Variants in GPSM2 observed in about 807,000 individuals in gnomAD.
GPSM2 encodes G protein-signaling modulator 2.
Under a neutral mutation model 78.4 loss-of-function variants are expected in GPSM2, and 58 were observed. The observed-to-expected ratio is 0.74, with a 90% CI of 0.60 to 0.92. The LOEUF (loss-of-function observed/expected upper bound fraction) is 0.92, where lower values mean the gene tolerates loss of function less well. GPSM2 is among the 40% of genes least tolerant of loss of function. The pLI, the probability that GPSM2 is intolerant of heterozygous loss-of-function variation, is 0.00. For synonymous variants in GPSM2, 224 were observed against 280.2 expected (o/e 0.80, Z 2.00); for missense variants, 700 against 815.5 (o/e 0.86, Z 1.73).
At chr1:108,915,552 G>A (rs80186098) in intron 11 of GPSM2, among the ~76,000 whole-genome samples, 20,599 of 150,322 alleles carry the variant, frequency 0.14, 1,546 homozygotes, top group African/African-American at 0.19. Flanking sequence ...TCAGCCTCCC[G>A]GGTAGCTGGG....
chr1:108,899,036 C>A, intron 7 of GPSM2, 42 bp downstream of exon 7: 3 of 1,146,350 alleles, frequency 2.6e-6, no homozygotes, highest in South Asian at 2.5e-5. Context: ...AATGAATACT[C>A]AGTCCCATTA....
At chr1:108,896,755 C>T (rs1376515408) in intron 2 of GPSM2, 109 bp from the exon 3 acceptor site, 4 of 844,156 alleles carry the variant, frequency 4.7e-6, no homozygotes, top group Non-Finnish European at 8.3e-6. Context: ...GTTATAGAGG[C>T]AGCTGCCCTG....
At chr1:108,920,520 A>C (rs1043791348) in intron 12 of GPSM2, among the ~76,000 whole-genome samples, 4 of 150,208 alleles carry the variant, frequency 2.7e-5, no homozygotes, top group African/African-American at 9.9e-5. Context: ...GAGCCTTTGC[A>C]AAAAAAAAGC....
At chr1:108,924,436 T>C in intron 14 of GPSM2, 3 of 500,912 alleles carry the variant, frequency 6.0e-6, no homozygotes, top group Non-Finnish European at 1.1e-5. Context: ...AGGAGAGACG[T>C]GTGTGTGTGT....
At chr1:108,919,635 G>A (rs1570947397) in intron 12 of GPSM2, among the ~76,000 whole-genome samples, 1 of 152,092 alleles carries the variant, frequency 6.6e-6, no homozygotes, top group East Asian at 1.9e-4. Context: ...AGCCTAGGAG[G>A]TGGAGGTTGC....
Position 108,885,427 on chromosome 1 carries a change from A to C in GPSM2, c.-96A>C, listed in dbSNP as rs1007850944. On this transcript the variant is annotated 5_prime_UTR_variant, in exon 2 of 15. Transcript: ENST00000264126. ...ATTAACACCAACTCATTAATATACT[A>C]ACCGGACAATGTTCTACAAACAATT... 6.8e-6 allele frequency: 5 copies of C among 737,210 alleles called. No individual in the cohort carries two copies. Among genetic ancestry groups the C allele is most frequent in the Non-Finnish European group, 1.2e-5 (5 of 417,516 alleles). The allele number at this position is 737,210 out of a possible 1,614,324, so 45.7% of individuals were successfully genotyped here. A position where few individuals can be genotyped will look rare whatever the true frequency, so the allele number is the denominator to read the frequency against.
intron 2 of GPSM2, among the ~76,000 whole-genome samples, chr1:108,889,027 C>T (rs1647772284): frequency 6.6e-6 from 1 of 152,174 alleles, no homozygotes; most frequent in Non-Finnish European, 1.5e-5. Context: ...TTGCTGGTTT[C>T]ATCTCCTAAA....
intron 2 of GPSM2, among the ~76,000 whole-genome samples, chr1:108,889,078 G>A (rs190850200): frequency 3.5e-4 from 54 of 152,246 alleles, no homozygotes; most frequent in African/African-American, 1.3e-3. Flanking sequence ...CCTCCCAGTT[G>A]TTTGAAAGGC....
chr1:108,921,533 G>A (rs1296137555), intron 12 of GPSM2, among the ~76,000 whole-genome samples: 2 of 152,096 alleles, frequency 1.3e-5, no homozygotes, highest in Non-Finnish European at 2.9e-5. Flanking sequence ...AAACAAAACT[G>A]CTTAAAATTG....
intron 7 of GPSM2, among the ~76,000 whole-genome samples, chr1:108,901,226 G>T (rs867797478): frequency 6.6e-6 from 1 of 152,170 alleles, no homozygotes; most frequent in African/African-American, 2.4e-5. Context: ...TAACTGCTAC[G>T]CTAGCTTCTC....
chr1:108,925,824 GT>G (rs371937560), intron 14 of GPSM2, among the ~76,000 whole-genome samples: 2,657 of 146,898 alleles, frequency 0.018, 21 homozygotes, highest in African/African-American at 0.032. Context: ...CAAATGTGGG[GT>G]TTTTTTTTTT....
chr1:108,928,028 A>G (rs1464619962), intron 14 of GPSM2, among the ~76,000 whole-genome samples: 2 of 152,232 alleles, frequency 1.3e-5, no homozygotes, highest in African/African-American at 4.8e-5. Flanking sequence ...TTATAAAACC[A>G]AAAGAGTGAG....
chr1:108,892,125 A>T (rs1243938294), intron 2 of GPSM2, among the ~76,000 whole-genome samples: 1 of 152,182 alleles, frequency 6.6e-6, no homozygotes, highest in Non-Finnish European at 1.5e-5. Context: ...CAACCACAGA[A>T]ATGGAAAGCA....
intron 2 of GPSM2, among the ~76,000 whole-genome samples, chr1:108,893,356 G>A (rs1648112155): frequency 6.6e-6 from 1 of 152,222 alleles, no homozygotes; most frequent in Admixed American, 6.5e-5. Flanking sequence ...GTGCTGTCAT[G>A]TGTGACCATT....
intron 10 of GPSM2, among the ~76,000 whole-genome samples, chr1:108,908,842 A>G (rs897566128): frequency 6.6e-6 from 1 of 151,268 alleles, no homozygotes; most frequent in African/African-American, 2.4e-5. Context: ...CATCTCTCCA[A>G]AAAATTTTTT....
intron 2 of GPSM2, among the ~76,000 whole-genome samples, chr1:108,895,440 C>T (rs868723477): frequency 1.1e-4 from 16 of 152,216 alleles, no homozygotes; most frequent in Admixed American, 2.6e-4. Context: ...GGGTTCCCAA[C>T]CCCTGGGCCA....
rs1258789169 is a variant in GPSM2 at position 108,897,550 on chromosome 1, A to C, written c.337A>C (p.Lys113Gln). 1 of 1,613,706 alleles carries C rather than the reference A, an allele frequency of 6.2e-7. No homozygotes were observed. Among genetic ancestry groups the C allele is most frequent in the Non-Finnish European group, 8.5e-7 (1 of 1,179,736 alleles). The change falls in exon 4 of 15, where the codon AAA becomes CAA. Residue 113 changes from lysine (K) to glutamine (Q), a missense_variant. Lys to Gln is a moderately conservative substitution (Grantham distance 53). Transcript: ENST00000264126. ...TAGTGGTAATCTGGGAAACACCTTA[A>C]AAGTTCTTGGGAATTTTGACGAAGC... ...KASGNLGNTL[K>Q]VLGNFDEAIV... is the part of the protein sequence containing the mutation.
At chr1:108,908,981 T>C (rs968065300) in intron 10 of GPSM2, among the ~76,000 whole-genome samples, 1 of 148,218 alleles carries the variant, frequency 6.7e-6, no homozygotes, top group Non-Finnish European at 1.5e-5. Flanking sequence ...CTCCAAAAAA[T>C]TTTTTTAATT....
At chr1:108,893,676 T>C (rs1458117331) in intron 2 of GPSM2, among the ~76,000 whole-genome samples, 1 of 152,226 alleles carries the variant, frequency 6.6e-6, no homozygotes, top group Non-Finnish European at 1.5e-5. Context: ...TAAATAATAT[T>C]TCTTAGAAAT....
Sources: allele counts gnomAD v4.1 joint callset (sites outside exome capture counted in the v4.1 genomes callset), GRCh38; gene constraint gnomAD v4.1.1; transcripts MANE v1.5; gene names NCBI Gene and HGNC (gene_info 2026-07-23, HGNC 2026-07-21).